DIAPH2: variants seen among roughly 807,000 people sequenced by gnomAD.
DIAPH2 encodes protein diaphanous homolog 2.
In DIAPH2, 35 loss-of-function variants were observed where a neutral mutation model predicts 92.7. The ratio of observed to expected loss-of-function variants is 0.38; its 90% CI spans 0.29 to 0.50. DIAPH2 has a LOEUF of 0.50. DIAPH2 is among the 20% of genes least tolerant of loss of function. The probability of loss-of-function intolerance (pLI) is 0.94; values close to 1 mark genes in which losing one functional copy is unlikely to be tolerated. For missense variants in DIAPH2, 701 were observed against 819.5 expected, an observed-to-expected ratio of 0.86 and a Z score of 1.77; for synonymous variants, 301 against 280.4, an observed-to-expected ratio of 1.07 and a Z score of -0.73.
chrX:97,521,816 A>G (rs1006902830), intron 26 of DIAPH2, among the ~76,000 whole-genome samples: 1 of 111,920 alleles, frequency 8.9e-6, no homozygotes, highest in Non-Finnish European at 1.9e-5. Context: ...TATTTCTTCA[A>G]AGCAGCATAG....
chrX:97,329,574 C>T (rs775873741), intron 23 of DIAPH2, among the ~76,000 whole-genome samples: 3 of 111,036 alleles, frequency 2.7e-5, no homozygotes, highest in African/African-American at 9.8e-5. Flanking sequence ...ATTTTCTCTA[C>T]GTCTGAAAGT....
At position 96,957,815 on chromosome X, in the gene DIAPH2, A is replaced by G. The variant is rs1442606229; in HGVS notation, c.1615-13A>G. 1.8e-6 allele frequency: 2 copies of G among 1,129,761 alleles called. No individual in the cohort carries two copies. The highest frequency in any genetic ancestry group is 1.8e-5 in the African/African-American group (1 of 55,358). The allele number at this position is 1,129,761 out of a possible 1,213,427, so 93.1% of individuals were successfully genotyped here. ...TTTTATAAGCATTTAAACTTGGATTATTTATATTTCAGGCACAAGTACTCT... is the reference window on the plus strand; with the variant it reads ...TTTTATAAGCATTTAAACTTGGATTGTTTATATTTCAGGCACAAGTACTCT... On this transcript the variant is annotated splice_polypyrimidine_tract_variant and intron_variant, in intron 15 of 26. Coordinates refer to ENST00000324765, the MANE Select transcript of DIAPH2 (RefSeq NM_006729.5).
chrX:96,751,652 G>GTTTTTTTTTTTT (rs1219167141), intron 3 of DIAPH2, among the ~76,000 whole-genome samples: 8 of 60,312 alleles, frequency 1.3e-4, no homozygotes, highest in African/African-American at 4.5e-4. Context: ...TCAGTGTTTT[G>GTTTTTTTTTTTT]TTTTTTTTTT....
chrX:96,794,732 A>C (rs233666), intron 4 of DIAPH2, among the ~76,000 whole-genome samples: 46,475 of 110,603 alleles, frequency 0.42, 8,376 homozygotes, highest in African/African-American at 0.71. Flanking sequence ...GGGCTGCCAT[A>C]ACAAACTAAC....
rs752604217 is a variant in DIAPH2 at position 97,454,466 on chromosome X, G to T, written c.3241+24721G>T. 3.6e-5 allele frequency among the ~76,000 whole-genome samples: 4 copies of T among 111,755 alleles called. No homozygotes were observed. In the East Asian group the frequency reaches 1.1e-3, roughly 31 times the overall value. ...ATACACCAAAATATTAATAGTCTTT[G>T]TGGCTATACCATGGTATATGAGTGA... On this transcript the variant is annotated intron_variant, in intron 26 of 26. Transcript: ENST00000324765.
intron 3 of DIAPH2, among the ~76,000 whole-genome samples, chrX:96,739,173 T>C (rs1375314007): frequency 9.0e-6 from 1 of 111,378 alleles, no homozygotes; most frequent in Non-Finnish European, 1.9e-5. Flanking sequence ...AGAGTAACAA[T>C]AGAAGGGACA....
intron 20 of DIAPH2, among the ~76,000 whole-genome samples, chrX:97,114,331 T>G (rs1200582695): frequency 3.6e-5 from 4 of 112,091 alleles, no homozygotes; most frequent in South Asian, 3.7e-4. Context: ...TCTGTCATCA[T>G]GTACATCTTT....
intron 26 of DIAPH2, chrX:97,564,328 C>T (rs1569425034): frequency 8.9e-6 from 1 of 112,400 alleles, no homozygotes; most frequent in African/African-American, 3.2e-5. Flanking sequence ...TCTGTTCAGG[C>T]TGCTCTACCT....
Position 97,047,464 on chromosome X carries a change from AAT to A in DIAPH2, c.2051-25463_2051-25462del, listed in dbSNP as rs200489708. Among the ~76,000 whole-genome samples, 694 of 104,459 alleles carry A rather than the reference AAT, an allele frequency of 6.6e-3. 7 individuals carry two copies. Among genetic ancestry groups the A allele is most frequent in the African/African-American group, 0.023 (644 of 28,278 alleles). The allele number at this position is 104,459 out of a possible 115,157, so 90.7% of individuals were successfully genotyped here. The stretch of plus-strand genomic sequence containing the variant: ...ATCTATAAATTCATGTTTTAAAATA[AAT>A]ATATATATATATAATTATAATCTGT... On this transcript the variant is annotated intron_variant, in intron 17 of 26. Transcript: ENST00000324765.
At chrX:96,816,971 C>T (rs2064740605) in intron 4 of DIAPH2, among the ~76,000 whole-genome samples, 4 of 111,503 alleles carry the variant, frequency 3.6e-5, no homozygotes. Flanking sequence ...ATAAGCCAGG[C>T]ACAGATAGAC....
chrX:96,732,159 A>G (rs575120220), intron 1 of DIAPH2, among the ~76,000 whole-genome samples: 1 of 111,645 alleles, frequency 9.0e-6, no homozygotes, highest in South Asian at 3.7e-4. Flanking sequence ...GAAGACCATC[A>G]TTATAAATGA....
At chrX:96,958,886 A>G (rs1477661473) in intron 16 of DIAPH2, among the ~76,000 whole-genome samples, 1 of 111,676 alleles carries the variant, frequency 9.0e-6, no homozygotes, top group African/African-American at 3.3e-5. Context: ...CCAATTCCAT[A>G]CATATTGCTG....
chrX:96,847,117 T>G (rs755409969), intron 4 of DIAPH2, among the ~76,000 whole-genome samples: 1 of 111,901 alleles, frequency 8.9e-6, no homozygotes, highest in African/African-American at 3.2e-5. Flanking sequence ...AAAGACAAAC[T>G]ATAAGGAAAA....
intron 23 of DIAPH2, among the ~76,000 whole-genome samples, chrX:97,346,028 A>G (rs1263745229): frequency 8.9e-6 from 1 of 111,880 alleles, no homozygotes; most frequent in Non-Finnish European, 1.9e-5. Context: ...GGACACATTT[A>G]TATATTTGGT....
intron 1 of DIAPH2, among the ~76,000 whole-genome samples, chrX:96,711,996 T>C (rs1602445096): frequency 9.0e-6 from 1 of 111,728 alleles, no homozygotes; most frequent in African/African-American, 3.2e-5. Flanking sequence ...TGGCTAGATA[T>C]TGAATTTTTA....
intron 26 of DIAPH2, among the ~76,000 whole-genome samples, chrX:97,529,455 G>A (rs2071045770): frequency 8.9e-6 from 1 of 112,260 alleles, no homozygotes; most frequent in African/African-American, 3.2e-5. Flanking sequence ...CTGTGTTCTA[G>A]GCAATGTGCT....
intron 25 of DIAPH2, among the ~76,000 whole-genome samples, chrX:97,410,395 C>G (rs1050649165): frequency 1.8e-5 from 2 of 111,536 alleles, no homozygotes; most frequent in African/African-American, 3.3e-5. Flanking sequence ...ACACCAAAAC[C>G]GAATCTGTAG....
intron 23 of DIAPH2, among the ~76,000 whole-genome samples, chrX:97,328,852 A>G (rs2068973817): frequency 9.0e-6 from 1 of 111,473 alleles, no homozygotes; most frequent in Admixed American, 9.6e-5. Context: ...TTTTATCTAA[A>G]TTAATTTTCA....
chrX:96,937,445 C>T (rs1201856924), intron 11 of DIAPH2, 94 bp downstream of exon 11: 1 of 465,500 alleles, frequency 2.1e-6, no homozygotes, highest in African/African-American at 2.4e-5. Context: ...TTCTTGTCTG[C>T]CCTCCCAATT....
Sources: gnomAD v4.1 joint callset for allele counts (sites outside exome capture counted in the v4.1 genomes callset) on GRCh38, gnomAD v4.1.1 for gene constraint, MANE v1.5 for transcripts, NCBI Gene and HGNC (gene_info 2026-07-23, HGNC 2026-07-21) for gene names.